STARD13: variants seen among roughly 807,000 people sequenced by gnomAD.
STARD13 encodes stAR-related lipid transfer protein 13.
STARD13 carries 62 observed loss-of-function variants against 106.4 expected under a neutral mutation model. That is an observed-to-expected ratio of 0.58 (90% confidence interval 0.48 to 0.72). The LOEUF (loss-of-function observed/expected upper bound fraction) is 0.72. Among genes scored for constraint, STARD13 ranks in the 30% least tolerant of loss-of-function variants. The pLI is 0.00. For missense variants in STARD13, 1,387 were observed against 1,424.0 expected (o/e 0.97, Z 0.42); for synonymous variants, 565 against 553.0 (o/e 1.02, Z -0.31).
chr13:33,650,292 G>A, the STARD13 span, among the ~76,000 whole-genome samples: 68 of 135,230 alleles, frequency 5.0e-4, 1 homozygote, highest in South Asian at 0.016. Flanking sequence ...CCGGGTTCAC[G>A]CCATTCTCCT....
chr13:33,216,408 T>C (rs372636588), intron 1 of STARD13, among the ~76,000 whole-genome samples: 2 of 152,214 alleles, frequency 1.3e-5, no homozygotes, highest in East Asian at 3.8e-4. Flanking sequence ...TTAATGGCAT[T>C]CACAGCAACC....
chr13:33,132,450 C>A (rs1454004738), intron 4 of STARD13, among the ~76,000 whole-genome samples: 1 of 152,176 alleles, frequency 6.6e-6, no homozygotes, highest in African/African-American at 2.4e-5. Flanking sequence ...GTAAGATGTA[C>A]CTTTTGCCTT....
Position 33,117,900 on chromosome 13 carries a change from T to C in STARD13, c.2281+165A>G, listed in dbSNP as rs1875624345. ...TAAAAAAATGGCTTGTGGATTTCCA[T>C]ATCAAACTTTGAGCAAAAGTTACTT... On this transcript the variant is annotated intron_variant, in intron 8 of 13. Coordinates refer to ENST00000336934, the MANE Select transcript of STARD13 (RefSeq NM_178006.4). The C allele has an allele frequency of 3.6e-6, 5 of 1,398,886 alleles. No individual in the cohort carries two copies. In the Admixed American group the frequency reaches 9.7e-5, roughly 27 times the overall value. 86.7% of individuals were successfully genotyped at this position (1,398,886 alleles called of 1,614,324 possible). A position where few individuals can be genotyped will look rare whatever the true frequency, so the allele number is the denominator to read the frequency against.
intron 1 of STARD13, among the ~76,000 whole-genome samples, chr13:33,197,551 G>C (rs1265654488): frequency 2.0e-5 from 3 of 152,044 alleles, no homozygotes; most frequent in African/African-American, 7.2e-5. Context: ...TCTCAGATCT[G>C]ATGAAGGAAC....
chr13:33,260,663 G>A (rs543971214), intron 1 of STARD13, among the ~76,000 whole-genome samples: 1 of 152,264 alleles, frequency 6.6e-6, no homozygotes, highest in South Asian at 2.1e-4. Flanking sequence ...TCATGTACAT[G>A]TTTTGTACAT....
chr13:33,617,726 T>C, the STARD13 span, among the ~76,000 whole-genome samples: 1 of 152,182 alleles, frequency 6.6e-6, no homozygotes, highest in East Asian at 1.9e-4. Flanking sequence ...ACCAGAAAGA[T>C]TTTTTGAGTG....
the STARD13 span, among the ~76,000 whole-genome samples, chr13:33,403,576 G>A: frequency 0.021 from 3,235 of 152,192 alleles, 112 homozygotes; most frequent in African/African-American, 0.073. Context: ...GAAAAGAAAC[G>A]TAATAGGCTG....
chr13:33,559,782 G>A, the STARD13 span, among the ~76,000 whole-genome samples: 2 of 151,480 alleles, frequency 1.3e-5, no homozygotes, highest in East Asian at 1.9e-4. Context: ...TGTTGAACCC[G>A]GGAGGTGGAC....
At chr13:33,416,563 A>G in the STARD13 span, among the ~76,000 whole-genome samples, 2 of 152,232 alleles carry the variant, frequency 1.3e-5, no homozygotes, top group African/African-American at 4.8e-5. Context: ...ATTAAATCAC[A>G]GGTTCTTTTT....
chr13:33,529,899 A>G, the STARD13 span, among the ~76,000 whole-genome samples: 4 of 152,160 alleles, frequency 2.6e-5, no homozygotes, highest in Non-Finnish European at 5.9e-5. Flanking sequence ...TAGAAGGTAA[A>G]TGGGGAACCC....
chr13:33,499,633 T>TCTTCTC, the STARD13 span, among the ~76,000 whole-genome samples: 19 of 128,750 alleles, frequency 1.5e-4, 1 homozygote, highest in Non-Finnish European at 2.5e-4. Context: ...TTCTTCTTCT[T>TCTTCTC]CTTCTTCTTC....
chr13:33,433,537 G>A, the STARD13 span, among the ~76,000 whole-genome samples: 1 of 152,108 alleles, frequency 6.6e-6, no homozygotes, highest in Non-Finnish European at 1.5e-5. Context: ...GCTACGTCAC[G>A]TTCCGCCTTC....
At chr13:33,126,933 T>A (rs1447059654) in intron 6 of STARD13, among the ~76,000 whole-genome samples, 1 of 152,252 alleles carries the variant, frequency 6.6e-6, no homozygotes, top group East Asian at 1.9e-4. Context: ...TGTTTCTATT[T>A]GCCAATGAAA....
At chr13:33,198,850 C>A (rs184414098) in intron 1 of STARD13, among the ~76,000 whole-genome samples, 1 of 152,310 alleles carries the variant, frequency 6.6e-6, no homozygotes, top group East Asian at 1.9e-4. Context: ...CCAAAATATT[C>A]ATCCTAAATT....
At chr13:33,555,043 C>A in the STARD13 span, among the ~76,000 whole-genome samples, 2 of 152,104 alleles carry the variant, frequency 1.3e-5, no homozygotes, top group Non-Finnish European at 2.9e-5. Flanking sequence ...GGCTGGTAGT[C>A]TAAGGATCAC....
chr13:33,307,959 G>A (rs1892974898), intron 1 of STARD13, among the ~76,000 whole-genome samples: 1 of 152,104 alleles, frequency 6.6e-6, no homozygotes, highest in Non-Finnish European at 1.5e-5. Context: ...TTTTATCAAA[G>A]GGATCATTAT....
chr13:33,170,573 C>T (rs1883843519), intron 1 of STARD13, among the ~76,000 whole-genome samples: 1 of 152,114 alleles, frequency 6.6e-6, no homozygotes, highest in Non-Finnish European at 1.5e-5. Context: ...AATGGGCAGG[C>T]ACTTAAACTT....
the STARD13 span, among the ~76,000 whole-genome samples, chr13:33,543,679 A>G: frequency 6.6e-6 from 1 of 152,186 alleles, no homozygotes; most frequent in Non-Finnish European, 1.5e-5. Context: ...CAGATTCTCT[A>G]GAAGGCTTGT....
At chr13:33,505,509 A>G in the STARD13 span, among the ~76,000 whole-genome samples, 1 of 152,204 alleles carries the variant, frequency 6.6e-6, no homozygotes, top group Non-Finnish European at 1.5e-5. Context: ...TATAATACCA[A>G]AACATTAATA....
Sources: allele counts gnomAD v4.1 joint callset (sites outside exome capture counted in the v4.1 genomes callset), GRCh38; gene constraint gnomAD v4.1.1; transcripts MANE v1.5; gene names NCBI Gene and HGNC (gene_info 2026-07-23, HGNC 2026-07-21).